The following RAPGEF5 variants were observed in gnomAD, a reference collection of about 807,000 sequenced individuals.
The protein encoded by RAPGEF5 is M-Ras-regulated GEF.
A neutral mutation model predicts 125.2 loss-of-function variants in RAPGEF5; 65 were observed. That is an observed-to-expected ratio of 0.52 (90% confidence interval 0.43 to 0.64). The LOEUF is 0.64. Ranked by LOEUF, RAPGEF5 falls within the 30% of genes least tolerant of loss-of-function variation. The pLI is 0.00. For synonymous variants in RAPGEF5, 391 were observed against 385.9 expected (o/e 1.01, Z -0.16); for missense variants, 958 against 1,048.1 (o/e 0.91, Z 1.19).
chr7:22,153,149 T>C (rs1783684287), intron 17 of RAPGEF5, among the ~76,000 whole-genome samples: 1 of 152,186 alleles, frequency 6.6e-6, no homozygotes, highest in Admixed American at 6.5e-5. Flanking sequence ...CATTCAGCTC[T>C]TCCTTCTCTG....
At chr7:22,263,693 G>A (rs759606935) in intron 7 of RAPGEF5, among the ~76,000 whole-genome samples, 1 of 150,408 alleles carries the variant, frequency 6.6e-6, no homozygotes, top group Non-Finnish European at 1.5e-5. Context: ...TTGCGCCACT[G>A]CACTCCATTC....
intron 7 of RAPGEF5, among the ~76,000 whole-genome samples, chr7:22,252,370 G>A (rs1414220006): frequency 1.3e-5 from 2 of 152,184 alleles, no homozygotes; most frequent in Non-Finnish European, 2.9e-5. Context: ...TCTACTAAGT[G>A]TTACACAGCT....
At chr7:22,167,756 C>T (rs1784217634) in intron 11 of RAPGEF5, among the ~76,000 whole-genome samples, 1 of 152,164 alleles carries the variant, frequency 6.6e-6, no homozygotes, top group South Asian at 2.1e-4. Flanking sequence ...AGAGCAGGTA[C>T]AATGTATCAC....
chr7:22,148,955 C>T (rs952613992), intron 18 of RAPGEF5, among the ~76,000 whole-genome samples: 3 of 152,180 alleles, frequency 2.0e-5, no homozygotes, highest in African/African-American at 7.2e-5. Context: ...GGTTATGTTT[C>T]ACTGACAGAA....
intron 21 of RAPGEF5, among the ~76,000 whole-genome samples, chr7:22,138,006 T>TACACACAC (rs57116603): frequency 4.0e-4 from 59 of 148,550 alleles, no homozygotes; most frequent in African/African-American, 1.1e-3. Flanking sequence ...GTTTGGAAAC[T>TACACACAC]ACACACACAC....
chr7:22,131,902 C>CT (rs1265689311), intron 23 of RAPGEF5, among the ~76,000 whole-genome samples: 1 of 152,154 alleles, frequency 6.6e-6, no homozygotes, highest in Non-Finnish European at 1.5e-5. Context: ...AACTGAAGCT[C>CT]TGAGAGTGGA....
At chr7:22,144,982 G>T in intron 20 of RAPGEF5, 62 bp downstream of exon 20, 1 of 1,511,758 alleles carries the variant, frequency 6.6e-7, no homozygotes, top group South Asian at 1.3e-5. Context: ...AAGAAAGAAA[G>T]AAGAACAATG....
chr7:22,177,034 T>C (rs1188642564), intron 11 of RAPGEF5, among the ~76,000 whole-genome samples: 1 of 152,242 alleles, frequency 6.6e-6, no homozygotes, highest in Non-Finnish European at 1.5e-5. Context: ...ACACAGCTGC[T>C]TTCTTTCTCA....
chr7:22,199,852 AAAG>A (rs1785238102), intron 9 of RAPGEF5, among the ~76,000 whole-genome samples: 1 of 152,156 alleles, frequency 6.6e-6, no homozygotes. Flanking sequence ...GGACCAATTT[AAAG>A]AAGTGCTAAC....
At chr7:22,269,274 G>A (rs1356908608) in intron 6 of RAPGEF5, among the ~76,000 whole-genome samples, 2 of 151,996 alleles carry the variant, frequency 1.3e-5, no homozygotes, top group Admixed American at 6.6e-5. Flanking sequence ...CACACACTGG[G>A]TAAGATCCCT....
intron 6 of RAPGEF5, among the ~76,000 whole-genome samples, chr7:22,288,583 C>T (rs1171741169): frequency 8.6e-5 from 13 of 151,186 alleles, no homozygotes; most frequent in South Asian, 4.2e-4. Context: ...ACTGCAGTGG[C>T]GCTATCTCAG....
At chr7:22,315,344 G>C (rs1783565820) in intron 3 of RAPGEF5, 26 bp downstream of exon 3, 1 of 1,529,764 alleles carries the variant, frequency 6.5e-7, no homozygotes, top group Non-Finnish European at 8.8e-7. Flanking sequence ...GAGAATTTCT[G>C]ACAAGGTGTT....
chr7:22,349,261 T>C (rs997695333), intron 1 of RAPGEF5, among the ~76,000 whole-genome samples: 2 of 151,678 alleles, frequency 1.3e-5, no homozygotes, highest in South Asian at 4.2e-4. Flanking sequence ...CTGTCTCTAC[T>C]AAAAATACAA....
At chr7:22,140,719 T>C (rs1482728957) in intron 20 of RAPGEF5, among the ~76,000 whole-genome samples, 1 of 152,210 alleles carries the variant, frequency 6.6e-6, no homozygotes, top group Non-Finnish European at 1.5e-5. Context: ...CTTGAGGCTA[T>C]CCACTCTGCA....
intron 16 of RAPGEF5, among the ~76,000 whole-genome samples, chr7:22,155,056 A>C (rs1478741573): frequency 6.6e-6 from 1 of 152,178 alleles, no homozygotes; most frequent in Non-Finnish European, 1.5e-5. Context: ...ATTTCAGGAC[A>C]ATCTCAGTGG....
chr7:22,291,133 A>AT, intron 6 of RAPGEF5, 42 bp downstream of exon 6: 1 of 1,530,610 alleles, frequency 6.5e-7, no homozygotes, highest in Non-Finnish European at 8.7e-7. Flanking sequence ...CCCCAGCTTC[A>AT]TTATTTCTGC....
At chr7:22,326,219 C>G (rs1783811495) in intron 1 of RAPGEF5, among the ~76,000 whole-genome samples, 1 of 152,130 alleles carries the variant, frequency 6.6e-6, no homozygotes, top group Non-Finnish European at 1.5e-5. Flanking sequence ...TTTTCAATTA[C>G]TCAACTAGGA....
intron 16 of RAPGEF5, among the ~76,000 whole-genome samples, 194 bp from the exon 17 acceptor site, chr7:22,154,798 T>TA (rs1649959070): frequency 6.6e-6 from 1 of 152,222 alleles, no homozygotes; most frequent in Non-Finnish European, 1.5e-5. Context: ...AAATGTGTGC[T>TA]TGCAAACACA....
intron 11 of RAPGEF5, among the ~76,000 whole-genome samples, chr7:22,176,626 T>C (rs1784516918): frequency 6.6e-6 from 1 of 152,184 alleles, no homozygotes; most frequent in Admixed American, 6.5e-5. Context: ...CTTACTGGGT[T>C]CAGGCAATTC....
Sources: gnomAD v4.1 joint callset for allele counts (sites outside exome capture counted in the v4.1 genomes callset) on GRCh38, gnomAD v4.1.1 for gene constraint, MANE v1.5 for transcripts, NCBI Gene and HGNC (gene_info 2026-07-23, HGNC 2026-07-21) for gene names.